Variants in PTPRD observed in about 807,000 individuals in gnomAD.
PTPRD encodes protein tyrosine phosphatase receptor type D.
In PTPRD, 34 loss-of-function variants were observed where a neutral mutation model predicts 214.5. That is an observed-to-expected ratio of 0.16 (90% confidence interval 0.12 to 0.21). The LOEUF is 0.21. PTPRD is among the 10% of genes least tolerant of loss of function. The probability of loss-of-function intolerance (pLI) is 1.00; values close to 1 mark genes in which losing one functional copy is unlikely to be tolerated. For missense variants in PTPRD, 2,545 were observed against 2,398.7 expected, an observed-to-expected ratio of 1.06 and a Z score of -1.27; for synonymous variants, 1,128 against 845.7, an observed-to-expected ratio of 1.33 and a Z score of -5.79.
intron 11 of PTPRD, among the ~76,000 whole-genome samples, chr9:9,006,544 T>G (rs990578448): frequency 3.3e-5 from 5 of 152,042 alleles, no homozygotes; most frequent in African/African-American, 1.2e-4. Context: ...GAACTCTAAA[T>G]TTGCAATTCC....
intron 4 of PTPRD, among the ~76,000 whole-genome samples, chr9:9,987,925 A>G (rs1322484859): frequency 6.6e-6 from 1 of 152,170 alleles, no homozygotes; most frequent in African/African-American, 2.4e-5. Context: ...ATAAAATACT[A>G]TCAGGCAGGT....
At chr9:9,342,056 G>A (rs978408720) in intron 9 of PTPRD, among the ~76,000 whole-genome samples, 13 of 152,170 alleles carry the variant, frequency 8.5e-5, no homozygotes, top group Middle Eastern at 3.4e-3. Flanking sequence ...TGATCCACCC[G>A]TCTTGGCCTC....
chr9:8,673,808 C>T (rs1445170647), intron 12 of PTPRD, among the ~76,000 whole-genome samples: 2 of 152,116 alleles, frequency 1.3e-5, no homozygotes. Context: ...AACTTTGGTG[C>T]TATTGACATT....
intron 8 of PTPRD, among the ~76,000 whole-genome samples, chr9:9,563,495 G>C (rs1740539135): frequency 6.6e-6 from 1 of 152,118 alleles, no homozygotes; most frequent in Admixed American, 6.5e-5. Context: ...TATGGTGGTA[G>C]ATTCTGGAAA....
rs11535498 is a variant in PTPRD at position 9,143,796 on chromosome 9, A to T, written c.-143+39508T>A. ...ACTGCCAGTTCTTGGGTAGAAAATC[A>T]TTATGGTTTGGACAGTAACATAACC... is the stretch of plus-strand genomic sequence containing the variant. On this transcript the variant is annotated intron_variant, in intron 10 of 45. Transcript: ENST00000381196. Among the ~76,000 whole-genome samples, 62 of 152,196 alleles carry T rather than the reference A, an allele frequency of 4.1e-4. No homozygotes were observed. In the East Asian group the frequency reaches 0.01, roughly 25 times the overall value.
At chr9:9,402,966 G>GA (rs1555359331) in intron 8 of PTPRD, among the ~76,000 whole-genome samples, 2,200 of 76,940 alleles carry the variant, frequency 0.029, 25 homozygotes, top group African/African-American at 0.06. Context: ...CTAATAGGGA[G>GA]AAAAAAAAAA....
intron 2 of PTPRD, among the ~76,000 whole-genome samples, chr9:10,479,662 C>CATAAATACATCAATAAAT (rs1296695008): frequency 3.8e-5 from 2 of 52,596 alleles, no homozygotes; most frequent in Admixed American, 2.7e-4. Context: ...AATAAATAAA[C>CATAAATACATCAATAAAT]AAAAATACAA....
chr9:8,635,064 T>C (rs2096387473), intron 13 of PTPRD, among the ~76,000 whole-genome samples: 1 of 147,656 alleles, frequency 6.8e-6, no homozygotes, highest in African/African-American at 2.5e-5. Context: ...TATTTAATAA[T>C]ATATATTAAA....
intron 9 of PTPRD, among the ~76,000 whole-genome samples, chr9:9,371,968 G>C (rs1013103961): frequency 3.3e-5 from 5 of 152,154 alleles, no homozygotes; most frequent in African/African-American, 1.2e-4. Context: ...TTGCACTGTG[G>C]TCTGAGAGAC....
At chr9:8,407,990 A>G (rs1369807669) in intron 35 of PTPRD, among the ~76,000 whole-genome samples, 3 of 152,206 alleles carry the variant, frequency 2.0e-5, no homozygotes, top group African/African-American at 7.2e-5. Context: ...GTTGAGGAAA[A>G]TCAAATTTCA....
chr9:8,558,087 T>C (rs1042351681), intron 14 of PTPRD, among the ~76,000 whole-genome samples: 11 of 152,168 alleles, frequency 7.2e-5, no homozygotes, highest in African/African-American at 2.7e-4. Flanking sequence ...GAAATAATGA[T>C]GTGTGTCAGA....
At chr9:9,534,954 G>A (rs780486397) in intron 8 of PTPRD, among the ~76,000 whole-genome samples, 11 of 152,002 alleles carry the variant, frequency 7.2e-5, no homozygotes, top group African/African-American at 2.7e-4. Flanking sequence ...CAATACAACT[G>A]TAAAGATGAG....
chr9:9,760,635 CACACACACACACACACACATAT>C (rs1198244543), intron 6 of PTPRD, among the ~76,000 whole-genome samples: 1 of 138,728 alleles, frequency 7.2e-6, no homozygotes, highest in East Asian at 2.1e-4. Context: ...CACACACACA[CACACACACACACACACACATAT>C]ATATATATAT....
intron 7 of PTPRD, among the ~76,000 whole-genome samples, chr9:9,721,206 G>C (rs1367540811): frequency 6.6e-6 from 1 of 151,874 alleles, no homozygotes; most frequent in African/African-American, 2.4e-5. Flanking sequence ...TTGCAATAGA[G>C]GATCATGGAA....
At chr9:10,429,314 C>G (rs1029385146) in intron 2 of PTPRD, among the ~76,000 whole-genome samples, 1 of 151,822 alleles carries the variant, frequency 6.6e-6, no homozygotes, top group African/African-American at 2.4e-5. Context: ...ACCATTTAAC[C>G]CAGCAATCCC....
chr9:8,342,099 T>G (rs2132544446), intron 39 of PTPRD, 121 bp from the exon 40 acceptor site: 1 of 1,048,290 alleles, frequency 9.5e-7, no homozygotes, highest in Non-Finnish European at 1.3e-6. Flanking sequence ...CTCAAATAGC[T>G]ATTGGGATGA....
At chr9:8,690,871 C>A (rs559350431) in intron 12 of PTPRD, among the ~76,000 whole-genome samples, 1 of 152,118 alleles carries the variant, frequency 6.6e-6, no homozygotes, top group Non-Finnish European at 1.5e-5. Flanking sequence ...ACCTAGACCT[C>A]CCTTTTAACA....
At chr9:8,489,953 C>T (rs533079628) in intron 27 of PTPRD, among the ~76,000 whole-genome samples, 1 of 152,154 alleles carries the variant, frequency 6.6e-6, no homozygotes, top group Non-Finnish European at 1.5e-5. Context: ...TTCTCTAATA[C>T]AGGCATATTC....
At chr9:9,904,400 G>A (rs573336379) in intron 5 of PTPRD, among the ~76,000 whole-genome samples, 1 of 144,104 alleles carries the variant, frequency 6.9e-6, no homozygotes, top group African/African-American at 2.7e-5. Context: ...CTCTTCTACA[G>A]TTGTTTTCAA....
Sources: allele counts gnomAD v4.1 joint callset (sites outside exome capture counted in the v4.1 genomes callset), GRCh38; gene constraint gnomAD v4.1.1; transcripts MANE v1.5; gene names NCBI Gene and HGNC (gene_info 2026-07-23, HGNC 2026-07-21).